BID: variants seen among roughly 807,000 people sequenced by gnomAD.
The protein encoded by BID is BH3-interacting domain death agonist.
BID carries 19 observed loss-of-function variants against 17.4 expected under a neutral mutation model. The ratio of observed to expected loss-of-function variants is 1.09; its 90% CI spans 0.76 to 1.60. The LOEUF (loss-of-function observed/expected upper bound fraction) is 1.60. Among genes scored for constraint, BID ranks in the 40% most tolerant of loss-of-function variants. The pLI, the probability that BID is intolerant of heterozygous loss-of-function variation, is 0.00. For missense variants in BID, 226 were observed against 256.0 expected, an observed-to-expected ratio of 0.88 and a Z score of 0.80; for synonymous variants, 108 against 102.8, an observed-to-expected ratio of 1.05 and a Z score of -0.31.
chr22:17,773,649 G>T lies in BID; in HGVS notation c.-59+732C>A. The T allele has an allele frequency of 1.2e-6, 2 of 1,611,528 alleles. No homozygotes were observed. Among genetic ancestry groups the T allele is most frequent in the Non-Finnish European group, 8.5e-7 (1 of 1,179,924 alleles). On this transcript the variant is annotated intron_variant, in intron 1 of 5. Transcript: ENST00000622694. This position sits in a 1 kb window ranked among gnomAD's most constrained non-coding sequence, Gnocchi z 4.4. ...GCTCCTCCAGCCGGCCCGGCCCCTC[G>T]CTGCCCACCGAGCCATCATGACCCC...
chr22:17,749,974 C>A lies in BID; in HGVS notation c.12+131G>T, dbSNP rs141945023. On this transcript the variant is annotated intron_variant, in intron 2 of 5. Coordinates refer to ENST00000622694, the MANE Select transcript of BID (RefSeq NM_001196.4). ...AGTGAAGGGGCTGGGCGGGGTTCGT[C>A]TGTGCCGAGCTGTGGTAAGGGCCAG... 2.2e-3 allele frequency: 1,936 copies of A among 864,734 alleles called. 19 individuals are homozygous for A. In the African/African-American group the frequency reaches 0.026, roughly 12 times the overall value. The allele number at this position is 864,734 out of a possible 1,614,324, so 53.6% of individuals were successfully genotyped here.
Sources: gnomAD v4.1 joint callset for allele counts on GRCh38, gnomAD v4.1.1 for gene constraint, Gnocchi (gnomAD v3.1) non-coding constraint, MANE v1.5 for transcripts, NCBI Gene and HGNC (gene_info 2026-07-23, HGNC 2026-07-21) for gene names.